NKAIN2: variants seen among roughly 807,000 people sequenced by gnomAD.
NKAIN2 encodes sodium/potassium transporting ATPase interacting 2.
A neutral mutation model predicts 32.6 loss-of-function variants in NKAIN2; 14 were observed. The observed-to-expected ratio is 0.43, with a 90% CI of 0.28 to 0.67. The LOEUF is 0.67. NKAIN2 is among the 30% of genes least tolerant of loss of function. NKAIN2 has a pLI of 0.17. For synonymous variants in NKAIN2, 80 were observed against 87.2 expected, an observed-to-expected ratio of 0.92 and a Z score of 0.46; for missense variants, 198 against 258.3, an observed-to-expected ratio of 0.77 and a Z score of 1.60.
At chr6:124,002,089 A>G (rs1017189157) in intron 1 of NKAIN2, among the ~76,000 whole-genome samples, 1 of 152,042 alleles carries the variant, frequency 6.6e-6, no homozygotes, top group Non-Finnish European at 1.5e-5. Flanking sequence ...AAATATCTTC[A>G]TATTTGGCTT....
intron 3 of NKAIN2, among the ~76,000 whole-genome samples, chr6:124,443,907 G>A (rs752974461): frequency 5.3e-5 from 8 of 151,562 alleles, no homozygotes; most frequent in Non-Finnish European, 1.0e-4. Flanking sequence ...TTTCAATCTC[G>A]TATATCTGAG....
At chr6:123,824,546 A>G (rs1292811279) in intron 1 of NKAIN2, among the ~76,000 whole-genome samples, 2 of 151,992 alleles carry the variant, frequency 1.3e-5, no homozygotes, top group Non-Finnish European at 2.9e-5. Context: ...GGGCCTTATT[A>G]TAGAAAGTTG....
intron 3 of NKAIN2, among the ~76,000 whole-genome samples, chr6:124,656,566 G>A (rs887883946): frequency 2.0e-5 from 3 of 151,988 alleles, no homozygotes; most frequent in African/African-American, 7.2e-5. Context: ...CTTTTCTGGG[G>A]TTTTCAGAGA....
intron 3 of NKAIN2, among the ~76,000 whole-genome samples, chr6:124,645,569 T>C (rs1027877570): frequency 6.6e-6 from 1 of 152,204 alleles, no homozygotes; most frequent in African/African-American, 2.4e-5. Context: ...AGCAAAATCC[T>C]ACAGACTCCT....
intron 1 of NKAIN2, among the ~76,000 whole-genome samples, chr6:123,895,018 T>C (rs1774203871): frequency 6.6e-6 from 1 of 151,988 alleles, no homozygotes; most frequent in East Asian, 1.9e-4. Context: ...TTTATAGGGA[T>C]TGATGGGTTT....
intron 3 of NKAIN2, among the ~76,000 whole-genome samples, chr6:124,620,163 T>C (rs908380874): frequency 6.6e-6 from 1 of 152,190 alleles, no homozygotes; most frequent in Non-Finnish European, 1.5e-5. Context: ...TTCTGATTTT[T>C]CTCTGGTCCA....
chr6:124,284,671 T>C (rs1795459103), intron 2 of NKAIN2, among the ~76,000 whole-genome samples: 2 of 152,046 alleles, frequency 1.3e-5, no homozygotes, highest in South Asian at 4.1e-4. Flanking sequence ...AACTCAGAGG[T>C]TAATTTTGAG....
chr6:124,747,492 A>T (rs1262633986), intron 4 of NKAIN2, among the ~76,000 whole-genome samples: 1 of 151,858 alleles, frequency 6.6e-6, no homozygotes, highest in Non-Finnish European at 1.5e-5. Flanking sequence ...CCCCAGCTGC[A>T]CCTTATCAGA....
intron 1 of NKAIN2, among the ~76,000 whole-genome samples, chr6:124,161,029 C>T (rs1788250800): frequency 6.6e-6 from 1 of 152,142 alleles, no homozygotes; most frequent in Non-Finnish European, 1.5e-5. Flanking sequence ...ATGTGACTGT[C>T]TTTGAAAGGA....
intron 1 of NKAIN2, among the ~76,000 whole-genome samples, chr6:124,017,300 G>T (rs1780622634): frequency 6.6e-6 from 1 of 152,034 alleles, no homozygotes. Context: ...GGAGCTATGG[G>T]AGTTACAATT....
intron 1 of NKAIN2, among the ~76,000 whole-genome samples, chr6:124,150,232 G>A (rs866920395): frequency 2.0e-5 from 3 of 151,788 alleles, no homozygotes; most frequent in Non-Finnish European, 4.4e-5. Flanking sequence ...GGCTATTATC[G>A]GTTTCTTGTC....
chr6:124,488,848 GA>G (rs1346694714), intron 3 of NKAIN2, among the ~76,000 whole-genome samples: 2 of 151,874 alleles, frequency 1.3e-5, no homozygotes, highest in African/African-American at 2.4e-5. Flanking sequence ...TTATTTTATT[GA>G]GTATGTGATG....
At chr6:124,082,490 G>C (rs573910911) in intron 1 of NKAIN2, among the ~76,000 whole-genome samples, 83 of 151,934 alleles carry the variant, frequency 5.5e-4, no homozygotes, top group African/African-American at 1.9e-3. Flanking sequence ...ATGGTCTTTT[G>C]ATTGTTTTGT....
At chr6:124,773,996 G>A (rs759334674) in intron 4 of NKAIN2, among the ~76,000 whole-genome samples, 9 of 152,162 alleles carry the variant, frequency 5.9e-5, no homozygotes, top group Non-Finnish European at 8.8e-5. Flanking sequence ...GTAATGGGGA[G>A]ACACATTATG....
At chr6:124,507,429 A>T (rs1412237194) in intron 3 of NKAIN2, among the ~76,000 whole-genome samples, 1 of 152,154 alleles carries the variant, frequency 6.6e-6, no homozygotes, top group Non-Finnish European at 1.5e-5. Flanking sequence ...CAGTATGGGA[A>T]AATTTTTATT....
At chr6:124,182,445 T>G (rs1385663702) in intron 1 of NKAIN2, among the ~76,000 whole-genome samples, 1 of 152,206 alleles carries the variant, frequency 6.6e-6, no homozygotes, top group Non-Finnish European at 1.5e-5. Context: ...AGACAAAGAC[T>G]TTGTCTTATT....
chr6:124,685,468 T>A (rs1773824864), intron 4 of NKAIN2, among the ~76,000 whole-genome samples: 1 of 152,162 alleles, frequency 6.6e-6, no homozygotes, highest in South Asian at 2.1e-4. Flanking sequence ...TTGCAAGAAG[T>A]TGTACAAAGA....
chr6:124,689,210 T>A (rs569379008), intron 4 of NKAIN2, among the ~76,000 whole-genome samples: 1 of 152,042 alleles, frequency 6.6e-6, no homozygotes, highest in East Asian at 1.9e-4. Flanking sequence ...TGTTTCAGCC[T>A]ACATCTCCCT....
At chr6:124,221,244 A>G (rs1791798840) in intron 1 of NKAIN2, among the ~76,000 whole-genome samples, 1 of 152,064 alleles carries the variant, frequency 6.6e-6, no homozygotes, top group Non-Finnish European at 1.5e-5. Flanking sequence ...GGATGAGTTC[A>G]TGTACTTTGT....
Sources: gnomAD v4.1 joint callset for allele counts (sites outside exome capture counted in the v4.1 genomes callset) on GRCh38, gnomAD v4.1.1 for gene constraint, MANE v1.5 for transcripts, NCBI Gene and HGNC (gene_info 2026-07-23, HGNC 2026-07-21) for gene names.